The following DLGAP2 variants were observed in gnomAD, a reference collection of about 807,000 sequenced individuals.
The protein encoded by DLGAP2 is disks large-associated protein 2.
Under a neutral mutation model 100.3 loss-of-function variants are expected in DLGAP2, and 26 were observed. The observed-to-expected ratio is 0.26, with a 90% CI of 0.19 to 0.36. The LOEUF (loss-of-function observed/expected upper bound fraction) is 0.36, where lower values mean the gene tolerates loss of function less well. Among genes scored for constraint, DLGAP2 ranks in the 10% least tolerant of loss-of-function variants. The probability of loss-of-function intolerance (pLI) is 1.00; values close to 1 mark genes in which losing one functional copy is unlikely to be tolerated. For synonymous variants in DLGAP2, 886 were observed against 630.1 expected (o/e 1.41, Z -6.08); for missense variants, 1,858 against 1,453.2 (o/e 1.28, Z -4.53).
At chr8:1,595,859 A>C (rs1397331346) in intron 6 of DLGAP2, among the ~76,000 whole-genome samples, 2 of 150,414 alleles carry the variant, frequency 1.3e-5, no homozygotes, top group East Asian at 2.0e-4. Context: ...TTTTTTTAAT[A>C]GTAATTTTTT....
At chr8:1,451,715 C>T (rs1483869832) in intron 3 of DLGAP2, among the ~76,000 whole-genome samples, 7 of 152,182 alleles carry the variant, frequency 4.6e-5, no homozygotes, top group Non-Finnish European at 1.0e-4. Context: ...ATGCTGCCTC[C>T]GCCTCAGCAA....
rs1282725274 is a variant in DLGAP2 at position 1,430,027 on chromosome 8, T to TATAC, written c.107-71338_107-71337insTACA. Among the ~76,000 whole-genome samples the TATAC allele has an allele frequency of 6.9e-4, 53 of 76,892 alleles. 3 individuals are homozygous for TATAC. The highest frequency in any genetic ancestry group is 2.1e-3 in the African/African-American group (43 of 20,140). 50.4% of individuals were successfully genotyped at this position (76,892 alleles called of 152,430 possible). A position where few individuals can be genotyped will look rare whatever the true frequency, so the allele number is the denominator to read the frequency against. On this transcript the variant is annotated intron_variant, in intron 3 of 14. Coordinates refer to ENST00000637795, the MANE Select transcript of DLGAP2 (RefSeq NM_001346810.2). Reference sequence around the variant, plus strand: ...ATATACATATATATATATATATATATACACACACACACATATGAACTTAGA... The same window carrying TATAC: ...ATATACATATATATATATATATATATATACACACACACACACATATGAACTTAGA...
At chr8:939,960 G>T (rs535025067) in intron 2 of DLGAP2, among the ~76,000 whole-genome samples, 1 of 152,098 alleles carries the variant, frequency 6.6e-6, no homozygotes, top group African/African-American at 2.4e-5. Flanking sequence ...ACAGGCTCCT[G>T]AGAGCGCACA....
chr8:1,663,388 G>A (rs1020529903), intron 8 of DLGAP2, among the ~76,000 whole-genome samples: 4 of 152,038 alleles, frequency 2.6e-5, no homozygotes, highest in African/African-American at 7.3e-5. Context: ...GGTGGTGACA[G>A]CGCCCTTACT....
intron 2 of DLGAP2, among the ~76,000 whole-genome samples, chr8:1,023,110 G>C (rs1444122010): frequency 6.6e-6 from 1 of 152,222 alleles, no homozygotes; most frequent in Non-Finnish European, 1.5e-5. Flanking sequence ...TTTCTCCCCA[G>C]GCATTGGCGT....
chr8:1,488,245 G>A (rs553414918), intron 3 of DLGAP2, among the ~76,000 whole-genome samples: 2 of 152,236 alleles, frequency 1.3e-5, no homozygotes, highest in South Asian at 4.2e-4. Flanking sequence ...AGTTCACAGA[G>A]AGGCCTCATC....
At chr8:1,048,037 CTG>C (rs1290246449) in intron 2 of DLGAP2, among the ~76,000 whole-genome samples, 1 of 152,130 alleles carries the variant, frequency 6.6e-6, no homozygotes, top group East Asian at 1.9e-4. Flanking sequence ...TTTGACCCGA[CTG>C]TGTGTAGCTC....
At chr8:1,558,094 G>A (rs1802027234) in intron 5 of DLGAP2, among the ~76,000 whole-genome samples, 1 of 152,202 alleles carries the variant, frequency 6.6e-6, no homozygotes, top group Non-Finnish European at 1.5e-5. Flanking sequence ...GTCCTCGAGG[G>A]GTGAGTGTGG....
At chr8:1,380,934 A>G in intron 3 of DLGAP2, 1 of 81,966 alleles carries the variant, frequency 1.2e-5, no homozygotes, top group South Asian at 7.8e-4. Flanking sequence ...TTTGAACATG[A>G]TTCAAAAAAA....
chr8:1,450,534 A>G (rs925933940), intron 3 of DLGAP2, among the ~76,000 whole-genome samples: 5 of 150,806 alleles, frequency 3.3e-5, no homozygotes, highest in African/African-American at 7.3e-5. Context: ...GGACACATCC[A>G]TAATTAAGGC....
chr8:1,572,213 G>T (rs1802742754), intron 6 of DLGAP2, among the ~76,000 whole-genome samples: 1 of 131,530 alleles, frequency 7.6e-6, no homozygotes, highest in African/African-American at 3.0e-5. Flanking sequence ...GAACTGTGGG[G>T]GCATCTGATG....
chr8:1,598,500 T>G (rs183293107), intron 6 of DLGAP2, among the ~76,000 whole-genome samples: 1 of 152,142 alleles, frequency 6.6e-6, no homozygotes, highest in Non-Finnish European at 1.5e-5. Flanking sequence ...ATCCTGGGCT[T>G]TTTTTTGTTG....
intron 3 of DLGAP2, among the ~76,000 whole-genome samples, chr8:1,485,689 A>G (rs1420768041): frequency 6.6e-6 from 1 of 152,200 alleles, no homozygotes; most frequent in African/African-American, 2.4e-5. Context: ...TGACAGAGGG[A>G]GGAAAAGGGA....
intron 8 of DLGAP2, among the ~76,000 whole-genome samples, chr8:1,649,327 C>A (rs894765538): frequency 1.4e-5 from 1 of 73,870 alleles, no homozygotes; most frequent in Admixed American, 1.4e-4. Context: ...TGTGTAAATT[C>A]TTTTTGCTTC....
intron 8 of DLGAP2, among the ~76,000 whole-genome samples, chr8:1,662,890 C>A (rs1256110734): frequency 3.0e-5 from 4 of 132,530 alleles, no homozygotes; most frequent in Non-Finnish European, 4.7e-5. Flanking sequence ...CGCGTGTGTA[C>A]ATGTGTGAGT....
chr8:1,172,636 A>G (rs191548323), intron 2 of DLGAP2, among the ~76,000 whole-genome samples: 2 of 151,970 alleles, frequency 1.3e-5, no homozygotes, highest in Admixed American at 6.5e-5. Context: ...CATTCATTTC[A>G]TCTTCCATCG....
At chr8:1,321,499 A>G (rs886719042) in intron 3 of DLGAP2, among the ~76,000 whole-genome samples, 3 of 152,268 alleles carry the variant, frequency 2.0e-5, no homozygotes, top group African/African-American at 7.2e-5. Context: ...CGTGACCACC[A>G]TGCTGCTTGG....
chr8:1,515,019 A>G (rs1215742946), intron 4 of DLGAP2, among the ~76,000 whole-genome samples: 1 of 151,754 alleles, frequency 6.6e-6, no homozygotes, highest in Non-Finnish European at 1.5e-5. Context: ...ACATGGAGGG[A>G]GACCGACGTG....
intron 2 of DLGAP2, among the ~76,000 whole-genome samples, chr8:943,598 A>G (rs1001433931): frequency 3.3e-5 from 5 of 152,086 alleles, no homozygotes; most frequent in African/African-American, 1.2e-4. Flanking sequence ...ACCGCTCTGT[A>G]CACGATCATG....
Sources: allele counts gnomAD v4.1 joint callset (sites outside exome capture counted in the v4.1 genomes callset), GRCh38; gene constraint gnomAD v4.1.1; transcripts MANE v1.5; gene names NCBI Gene and HGNC (gene_info 2026-07-23, HGNC 2026-07-21).